RANBP2: variants seen among roughly 807,000 people sequenced by gnomAD.
RANBP2 encodes RAN binding protein 2.
Under a neutral mutation model 303.6 loss-of-function variants are expected in RANBP2, and 57 were observed. The ratio of observed to expected loss-of-function variants is 0.19; its 90% CI spans 0.15 to 0.23. RANBP2 has a LOEUF of 0.23. RANBP2 is among the 10% of genes least tolerant of loss of function. The pLI, the probability that RANBP2 is intolerant of heterozygous loss-of-function variation, is 1.00. For missense variants in RANBP2, 3,138 were observed against 3,780.8 expected, an observed-to-expected ratio of 0.83 and a Z score of 4.46; for synonymous variants, 1,167 against 1,301.5, an observed-to-expected ratio of 0.90 and a Z score of 2.23.
chr2:108,833,418 T>A, the RANBP2 span, among the ~76,000 whole-genome samples: 4,679 of 152,250 alleles, frequency 0.031, 107 homozygotes, highest in South Asian at 0.05. Context: ...AAAAACAAGA[T>A]CTGTTAGTTT....
chr2:109,048,636 A>G, the RANBP2 span, among the ~76,000 whole-genome samples: 1 of 121,868 alleles, frequency 8.2e-6, no homozygotes, highest in Non-Finnish European at 1.7e-5. Flanking sequence ...TTTAATTATT[A>G]TAAAAAGTAA....
chr2:109,129,289 GC>G, the RANBP2 span: 1 of 683,534 alleles, frequency 1.5e-6, no homozygotes, highest in South Asian at 1.7e-5. Context: ...GTAGCCCGCA[GC>G]CGCAGGCGCT....
chr2:109,500,622 G>GA, the RANBP2 span, among the ~76,000 whole-genome samples: 1 of 152,134 alleles, frequency 6.6e-6, no homozygotes, highest in African/African-American at 2.4e-5. Flanking sequence ...AAGGCACTGG[G>GA]AAAAAAATCT....
At chr2:109,727,390 G>T in the RANBP2 span, among the ~76,000 whole-genome samples, 16 of 152,156 alleles carry the variant, frequency 1.1e-4, no homozygotes, top group Non-Finnish European at 2.4e-4. Flanking sequence ...GAAAATGAAG[G>T]TCAAGATTTG....
the RANBP2 span, among the ~76,000 whole-genome samples, chr2:108,922,544 C>T: frequency 6.6e-6 from 1 of 152,186 alleles, no homozygotes; most frequent in Non-Finnish European, 1.5e-5. Flanking sequence ...CCCCTTCTTT[C>T]CAGCGTGATA....
At chr2:109,551,285 T>C in the RANBP2 span, among the ~76,000 whole-genome samples, 2 of 152,254 alleles carry the variant, frequency 1.3e-5, no homozygotes, top group Non-Finnish European at 2.9e-5. Context: ...CACAACAATA[T>C]TGGCAAGGAC....
chr2:109,333,725 A>T, the RANBP2 span, among the ~76,000 whole-genome samples: 1 of 152,222 alleles, frequency 6.6e-6, no homozygotes, highest in East Asian at 1.9e-4. Context: ...CTAGAGTTTA[A>T]ATCCCAGCTC....
the RANBP2 span, among the ~76,000 whole-genome samples, chr2:109,087,681 G>T: frequency 3.3e-5 from 5 of 152,196 alleles, no homozygotes; most frequent in Non-Finnish European, 5.9e-5. Flanking sequence ...TGGGAACAAT[G>T]ATACCTAGAG....
the RANBP2 span, chr2:109,449,336 C>T: frequency 6.2e-7 from 1 of 1,605,716 alleles, no homozygotes; most frequent in South Asian, 1.1e-5. Flanking sequence ...CACGGCCGGC[C>T]ATCCCCCTCA....
the RANBP2 span, among the ~76,000 whole-genome samples, chr2:109,388,258 T>C: frequency 6.6e-6 from 1 of 152,234 alleles, no homozygotes; most frequent in Non-Finnish European, 1.5e-5. Flanking sequence ...AGCCTTTCTC[T>C]AGTAGCACTT....
At chr2:109,316,198 C>T in the RANBP2 span, among the ~76,000 whole-genome samples, 2 of 152,150 alleles carry the variant, frequency 1.3e-5, no homozygotes, top group South Asian at 4.1e-4. Flanking sequence ...GGGAAGGTTC[C>T]ACCAGTGTCC....
the RANBP2 span, among the ~76,000 whole-genome samples, chr2:108,982,250 C>T: frequency 6.6e-6 from 1 of 152,216 alleles, no homozygotes; most frequent in Non-Finnish European, 1.5e-5. Context: ...AACAGGAAAG[C>T]AGCCACCTCA....
intron 2 of RANBP2, among the ~76,000 whole-genome samples, chr2:108,729,520 A>T (rs1389613589): frequency 4.6e-5 from 7 of 152,246 alleles, no homozygotes; most frequent in Admixed American, 4.6e-4. Context: ...TAGATATCTG[A>T]TACCTTAATC....
chr2:109,110,731 C>G, the RANBP2 span, among the ~76,000 whole-genome samples: 2 of 152,192 alleles, frequency 1.3e-5, no homozygotes, highest in African/African-American at 4.8e-5. Context: ...TTCTGTTTCT[C>G]TGGTGTGGAG....
chr2:108,764,857 A>G lies in RANBP2; in HGVS notation c.4318A>G (p.Asn1440Asp). The change falls in exon 20 of 29, where the codon AAT (asparagine) becomes GAT (aspartate). Residue 1440 changes from asparagine (N) to aspartate (D), a missense_variant. Asn to Asp is a conservative substitution (Grantham distance 23). Coordinates refer to ENST00000283195, the MANE Select transcript of RANBP2 (RefSeq NM_006267.5). The part of the protein sequence containing the change: ...PTVSRCIACQ[N>D]TKSANKSGSS... Reference sequence around the variant, plus strand: ...TGTATCTAGGTGCATTGCGTGTCAGAATACAAAATCTGCTAACAAAAGTGG... The same window carrying G: ...TGTATCTAGGTGCATTGCGTGTCAGGATACAAAATCTGCTAACAAAAGTGG... 1 of 1,614,044 alleles carries G rather than the reference A, an allele frequency of 6.2e-7. No individual in the cohort carries two copies. The highest frequency in any genetic ancestry group is 8.5e-7 in the Non-Finnish European group (1 of 1,179,918).
the RANBP2 span, among the ~76,000 whole-genome samples, chr2:108,869,874 A>C: frequency 6.6e-6 from 1 of 151,682 alleles, no homozygotes; most frequent in Non-Finnish European, 1.5e-5. Context: ...GATTTTCAGC[A>C]AAAAAAATCG....
At chr2:109,249,540 C>T in the RANBP2 span, among the ~76,000 whole-genome samples, 2,717 of 79,042 alleles carry the variant, frequency 0.034, 51 homozygotes, top group Non-Finnish European at 0.04. Flanking sequence ...TCTTTCCTTC[C>T]TTCCTTCCTT....
At chr2:108,868,534 C>T in the RANBP2 span, among the ~76,000 whole-genome samples, 4 of 152,174 alleles carry the variant, frequency 2.6e-5, no homozygotes, top group Non-Finnish European at 4.4e-5. Flanking sequence ...TGTCTCTCTT[C>T]TGGAGACTGT....
chr2:108,771,145 AGTT>A (rs1295845384), intron 20 of RANBP2, among the ~76,000 whole-genome samples: 4 of 151,396 alleles, frequency 2.6e-5, no homozygotes, highest in African/African-American at 4.9e-5. Context: ...ATAGAGTCAC[AGTT>A]GTTATTTAAT....
Sources: allele counts gnomAD v4.1 joint callset (sites outside exome capture counted in the v4.1 genomes callset), GRCh38; gene constraint gnomAD v4.1.1; transcripts MANE v1.5; gene names NCBI Gene and HGNC (gene_info 2026-07-23, HGNC 2026-07-21).